PTPRM: variants seen among roughly 807,000 people sequenced by gnomAD.
PTPRM encodes protein tyrosine phosphatase receptor type M.
Under a neutral mutation model 186.7 loss-of-function variants are expected in PTPRM, and 47 were observed. The ratio of observed to expected loss-of-function variants is 0.25; its 90% confidence interval spans 0.20 to 0.32. The LOEUF (loss-of-function observed/expected upper bound fraction) is 0.32. Among genes scored for constraint, PTPRM ranks in the 10% least tolerant of loss-of-function variants. The pLI is 1.00. For missense variants in PTPRM, 1,494 were observed against 1,865.0 expected (o/e 0.80, Z 3.66); for synonymous variants, 668 against 674.9 (o/e 0.99, Z 0.16).
intron 23 of PTPRM, among the ~76,000 whole-genome samples, chr18:8,364,167 G>C (rs993177087): frequency 7.2e-5 from 11 of 152,174 alleles, no homozygotes; most frequent in African/African-American, 2.7e-4. Flanking sequence ...CAGTATGAAA[G>C]GAAGAATCTA....
intron 18 of PTPRM, 91 bp from the exon 19 acceptor site, chr18:8,253,136 G>T: frequency 9.1e-7 from 1 of 1,102,000 alleles, no homozygotes; most frequent in South Asian, 2.8e-5. Flanking sequence ...CTAGGTGAGG[G>T]GATGCCAGGA....
At chr18:7,702,198 A>G (rs1229607643) in intron 1 of PTPRM, among the ~76,000 whole-genome samples, 1 of 152,170 alleles carries the variant, frequency 6.6e-6, no homozygotes, top group Non-Finnish European at 1.5e-5. Context: ...TTCTTTGGGT[A>G]TATACTCAAT....
chr18:8,187,823 A>G (rs1317486441), intron 14 of PTPRM, among the ~76,000 whole-genome samples: 2 of 152,196 alleles, frequency 1.3e-5, no homozygotes, highest in Non-Finnish European at 2.9e-5. Context: ...TGAGATTACC[A>G]CATGTTTTTT....
At chr18:7,808,129 G>A (rs945522309) in intron 2 of PTPRM, among the ~76,000 whole-genome samples, 5 of 152,160 alleles carry the variant, frequency 3.3e-5, no homozygotes, top group African/African-American at 9.7e-5. Flanking sequence ...TCTCCAAACC[G>A]TGTGTTTGCC....
intron 4 of PTPRM, among the ~76,000 whole-genome samples, chr18:7,916,051 T>A (rs528137346): frequency 8.6e-5 from 13 of 151,866 alleles, no homozygotes; most frequent in Non-Finnish European, 1.9e-4. Context: ...AGCTAAACAG[T>A]GTGTATATAT....
rs1303256873 is a variant in PTPRM at position 8,248,326 on chromosome 18, A to G, written c.2554+150A>G. 3.8e-6 allele frequency: 3 copies of G among 798,902 alleles called. No homozygotes were observed. The African/African-American group carries it at 5.0e-5, about 13-fold the overall frequency. The allele number at this position is 798,902 out of a possible 1,614,324, so 49.5% of individuals were successfully genotyped here. On this transcript the variant is annotated intron_variant, in intron 17 of 32. Coordinates refer to ENST00000580170, the MANE Select transcript of PTPRM (RefSeq NM_001105244.2). The stretch of plus-strand genomic sequence containing the variant: ...GTGGGTGGCCTGGGTCATGGGGTTA[A>G]AGGAAAAAGAGACTTTTCTCTAAAC...
At chr18:8,219,466 CA>C (rs75422489) in intron 14 of PTPRM, among the ~76,000 whole-genome samples, 80,913 of 144,014 alleles carry the variant, frequency 0.56, 22,412 homozygotes, top group East Asian at 0.77. Context: ...GAGTCCATCT[CA>C]AAAAAAAAAA....
At chr18:7,871,195 C>G (rs961048044) in intron 2 of PTPRM, among the ~76,000 whole-genome samples, 4 of 152,184 alleles carry the variant, frequency 2.6e-5, no homozygotes, top group African/African-American at 4.8e-5. Context: ...CTGTGGAGCA[C>G]TGATTAATCC....
At chr18:8,246,191 G>A (rs2094475258) in intron 15 of PTPRM, among the ~76,000 whole-genome samples, 1 of 152,182 alleles carries the variant, frequency 6.6e-6, no homozygotes, top group African/African-American at 2.4e-5. Context: ...CAGGAAAGAT[G>A]TTCCTTAGAC....
At chr18:8,017,035 T>A (rs949001592) in intron 7 of PTPRM, among the ~76,000 whole-genome samples, 1 of 152,246 alleles carries the variant, frequency 6.6e-6, no homozygotes, top group East Asian at 1.9e-4. Flanking sequence ...CGATTTTTTT[T>A]CTACATTCAT....
At chr18:8,198,770 G>A (rs918751587) in intron 14 of PTPRM, among the ~76,000 whole-genome samples, 2 of 152,096 alleles carry the variant, frequency 1.3e-5, no homozygotes, top group Admixed American at 6.5e-5. Context: ...TAGATATGGT[G>A]GACATATTGC....
intron 1 of PTPRM, among the ~76,000 whole-genome samples, chr18:7,591,139 T>TA (rs2037115782): frequency 6.6e-6 from 1 of 152,202 alleles, no homozygotes; most frequent in Admixed American, 6.5e-5. Flanking sequence ...ACACAAAACA[T>TA]ACAAAATGTA....
chr18:7,808,936 G>A (rs1020601930), intron 2 of PTPRM, among the ~76,000 whole-genome samples: 19 of 152,278 alleles, frequency 1.2e-4, no homozygotes, highest in African/African-American at 4.3e-4. Flanking sequence ...AGAAACATAA[G>A]CAATACAGAC....
Position 7,926,603 on chromosome 18 carries a change from G to C in PTPRM, c.583G>C (p.Glu195Gln), listed in dbSNP as rs2051186105. 3.1e-6 allele frequency: 5 copies of C among 1,613,586 alleles called. No individual in the cohort carries two copies. Among genetic ancestry groups the C allele is most frequent in the Middle Eastern group, 1.7e-4 (1 of 6,056 alleles). ...TCACTTCCTGCGGATTCAGAATGTG[G>C]AAGTTAATGCTGGCCAGTTTGCTAC... is the stretch of plus-strand genomic sequence containing the variant. ...TPHFLRIQNV[E>Q]VNAGQFATFQ... The change falls in exon 5 of 33, where the codon GAA becomes CAA. Residue 195 changes from glutamate (E) to glutamine (Q), a missense_variant. Coordinates refer to ENST00000580170, the MANE Select transcript of PTPRM (RefSeq NM_001105244.2).
chr18:8,209,694 C>A (rs965243211), intron 14 of PTPRM, among the ~76,000 whole-genome samples: 5 of 151,946 alleles, frequency 3.3e-5, no homozygotes, highest in African/African-American at 9.7e-5. Context: ...TTAGGGTAGA[C>A]CCTAATCCAA....
chr18:7,652,723 C>A (rs1445175232), intron 1 of PTPRM, among the ~76,000 whole-genome samples: 3 of 125,148 alleles, frequency 2.4e-5, no homozygotes, highest in South Asian at 2.5e-4. Context: ...TGGACACAGG[C>A]AGGGGAACAT....
intron 20 of PTPRM, among the ~76,000 whole-genome samples, chr18:8,298,797 G>A (rs1366791232): frequency 3.9e-5 from 6 of 152,156 alleles, no homozygotes; most frequent in Non-Finnish European, 5.9e-5. Context: ...CTGCTGGATG[G>A]GTGCTGGGAT....
At chr18:7,721,406 C>G (rs376684379) in intron 1 of PTPRM, among the ~76,000 whole-genome samples, 3 of 152,044 alleles carry the variant, frequency 2.0e-5, no homozygotes, top group Non-Finnish European at 4.4e-5. Context: ...AGTATTTTCT[C>G]TCATTCTATG....
At chr18:7,930,419 A>G (rs1282525348) in intron 5 of PTPRM, among the ~76,000 whole-genome samples, 1 of 152,120 alleles carries the variant, frequency 6.6e-6, no homozygotes, top group Non-Finnish European at 1.5e-5. Context: ...GAGGCCCACA[A>G]TAGGTATTCT....
Sources: allele counts gnomAD v4.1 joint callset (sites outside exome capture counted in the v4.1 genomes callset), GRCh38; gene constraint gnomAD v4.1.1; transcripts MANE v1.5; gene names NCBI Gene and HGNC (gene_info 2026-07-23, HGNC 2026-07-21).